NTM: variants seen among roughly 807,000 people sequenced by gnomAD.
The protein encoded by NTM is IgLON family member 2.
Under a neutral mutation model 42.1 loss-of-function variants are expected in NTM, and 13 were observed. The ratio of observed to expected loss-of-function variants is 0.31; its 90% CI spans 0.20 to 0.49. The LOEUF (loss-of-function observed/expected upper bound fraction) is 0.49, where lower values mean the gene tolerates loss of function less well. Ranked by LOEUF, NTM falls within the 20% of genes least tolerant of loss-of-function variation. NTM has a pLI of 0.99. For synonymous variants in NTM, 187 were observed against 179.2 expected, an observed-to-expected ratio of 1.04 and a Z score of -0.35; for missense variants, 373 against 452.8, an observed-to-expected ratio of 0.82 and a Z score of 1.60.
At chr11:132,227,490 G>T (rs368055936) in intron 4 of NTM, among the ~76,000 whole-genome samples, 101 of 152,124 alleles carry the variant, frequency 6.6e-4, no homozygotes, top group African/African-American at 2.4e-3. Flanking sequence ...GTGAGTTCAG[G>T]ATTTTTTCCT....
intron 1 of NTM, among the ~76,000 whole-genome samples, chr11:131,865,742 G>A (rs986408911): frequency 1.4e-5 from 2 of 140,830 alleles, no homozygotes; most frequent in African/African-American, 5.4e-5. Context: ...CTCACACGTT[G>A]CACACACACA....
At chr11:131,989,744 T>C (rs73031531) in intron 2 of NTM, among the ~76,000 whole-genome samples, 36,635 of 147,262 alleles carry the variant, frequency 0.25, 4,595 homozygotes, top group African/African-American at 0.29. Flanking sequence ...CACACACACA[T>C]GAACACATAC....
chr11:132,034,930 G>A (rs1024669819), intron 2 of NTM, among the ~76,000 whole-genome samples: 4 of 152,172 alleles, frequency 2.6e-5, no homozygotes, highest in African/African-American at 9.7e-5. Flanking sequence ...ACTCCAGAGG[G>A]ATAGTGCCAA....
rs760778973 is a variant in NTM, at chr11:131,794,960, G to C, written c.83-116604G>C. ...GGGGAACCTGAACCCGCATGTCAGTGCCTCTCCTCACTGGAGGGGCAGCCT... is the reference window on the plus strand; with the variant it reads ...GGGGAACCTGAACCCGCATGTCAGTCCCTCTCCTCACTGGAGGGGCAGCCT... On this transcript the variant is annotated intron_variant, in intron 1 of 8. Coordinates refer to ENST00000683400, the MANE Select transcript of NTM (RefSeq NM_001352005.2). The C allele has an allele frequency of 9.4e-5, 93 of 985,162 alleles. 1 individual carries two copies. The highest frequency in any genetic ancestry group is 6.8e-4 in the Admixed American group (11 of 16,254). The allele number at this position is 985,162 out of a possible 1,614,324, so 61.0% of individuals were successfully genotyped here.
chr11:131,757,557 G>T (rs1591637782), intron 1 of NTM, among the ~76,000 whole-genome samples: 2 of 152,256 alleles, frequency 1.3e-5, no homozygotes, highest in Middle Eastern at 6.8e-3. Context: ...GGCGTGTTAG[G>T]TCCATATTCA....
chr11:131,701,151 A>G (rs1006566003), intron 1 of NTM, among the ~76,000 whole-genome samples: 5 of 152,220 alleles, frequency 3.3e-5, no homozygotes, highest in Non-Finnish European at 7.3e-5. Context: ...GGGTTTTGCT[A>G]AAGAACAAAA....
chr11:131,886,986 T>G (rs150865675), intron 1 of NTM, among the ~76,000 whole-genome samples: 1 of 152,314 alleles, frequency 6.6e-6, no homozygotes, highest in African/African-American at 2.4e-5. Context: ...ACACCTTGTC[T>G]AAGGTCAAAT....
At chr11:131,558,210 C>T (rs939651687) in intron 1 of NTM, among the ~76,000 whole-genome samples, 24 of 152,126 alleles carry the variant, frequency 1.6e-4, no homozygotes, top group African/African-American at 5.6e-4. Context: ...CTGCGTGCTT[C>T]CTTGGGAGCA....
At chr11:132,235,142 TAA>T (rs955337335) in intron 4 of NTM, among the ~76,000 whole-genome samples, 28 of 152,344 alleles carry the variant, frequency 1.8e-4, no homozygotes, top group African/African-American at 6.7e-4. Context: ...GCCCAGATTC[TAA>T]AGTCAACCCA....
chr11:131,442,227 C>T (rs1289332193), intron 1 of NTM, among the ~76,000 whole-genome samples: 1 of 152,092 alleles, frequency 6.6e-6, no homozygotes, highest in African/African-American at 2.4e-5. Flanking sequence ...CTGAAAGTCG[C>T]AGTAGACAGA....
At chr11:132,198,363 A>C (rs1250393855) in intron 3 of NTM, among the ~76,000 whole-genome samples, 1 of 152,030 alleles carries the variant, frequency 6.6e-6, no homozygotes, top group Non-Finnish European at 1.5e-5. Context: ...TAAACAGCTA[A>C]GTTTTAAAAA....
chr11:131,855,837 C>T (rs2046040576), intron 1 of NTM, among the ~76,000 whole-genome samples: 1 of 152,182 alleles, frequency 6.6e-6, no homozygotes, highest in Admixed American at 6.5e-5. Flanking sequence ...TGGATTTTGA[C>T]TTCCTTGGGG....
intron 2 of NTM, among the ~76,000 whole-genome samples, chr11:132,097,374 G>T (rs2061134047): frequency 6.6e-6 from 1 of 152,156 alleles, no homozygotes; most frequent in Non-Finnish European, 1.5e-5. Flanking sequence ...TGCCACGTCG[G>T]CCAGGATGCT....
At position 131,403,009 on chromosome 11, in the gene NTM, G is replaced by A. The variant is rs145785815; in HGVS notation, c.82+32121G>A. 4.9e-4 allele frequency among the ~76,000 whole-genome samples: 75 copies of A among 152,300 alleles called. No individual in the cohort carries two copies. The East Asian group carries it at 0.013, about 26-fold the overall frequency. On this transcript the variant is annotated intron_variant, in intron 1 of 8. Coordinates refer to ENST00000683400, the MANE Select transcript of NTM (RefSeq NM_001352005.2). The stretch of plus-strand genomic sequence containing the variant: ...TTAGGCTTTGGGGACTGAAGAAGTC[G>A]AAATCCAATTTAATTGCAGTAGAAA...
intron 1 of NTM, among the ~76,000 whole-genome samples, chr11:131,426,193 C>T (rs1219636030): frequency 6.6e-6 from 1 of 152,158 alleles, no homozygotes; most frequent in Admixed American, 6.5e-5. Context: ...GCTGAAGACT[C>T]CTAGTGGCCA....
chr11:131,530,629 C>T (rs925416328), intron 1 of NTM, among the ~76,000 whole-genome samples: 2 of 152,094 alleles, frequency 1.3e-5, no homozygotes, highest in African/African-American at 2.4e-5. Context: ...CGCCAGAGGT[C>T]CTGCCAGCCT....
intron 1 of NTM, among the ~76,000 whole-genome samples, chr11:131,403,174 C>T (rs958503213): frequency 1.3e-5 from 2 of 152,212 alleles, no homozygotes; most frequent in African/African-American, 4.8e-5. Context: ...CAGACAGACT[C>T]ACCTCTTTGC....
chr11:131,893,972 T>A (rs2051808728), intron 1 of NTM, among the ~76,000 whole-genome samples: 1 of 152,234 alleles, frequency 6.6e-6, no homozygotes, highest in Non-Finnish European at 1.5e-5. Flanking sequence ...TAAAGTGACC[T>A]GCATAGCTGC....
At chr11:132,207,893 C>T (rs1050642650) in intron 3 of NTM, among the ~76,000 whole-genome samples, 4 of 152,292 alleles carry the variant, frequency 2.6e-5, no homozygotes, top group African/African-American at 9.6e-5. Context: ...ATTCACCATT[C>T]TGTGTCACCA....
Sources: allele counts gnomAD v4.1 joint callset (sites outside exome capture counted in the v4.1 genomes callset), GRCh38; gene constraint gnomAD v4.1.1; transcripts MANE v1.5; gene names NCBI Gene and HGNC (gene_info 2026-07-23, HGNC 2026-07-21).